PREP: variants seen among roughly 807,000 people sequenced by gnomAD.
PREP encodes prolyl endopeptidase.
In PREP, 29 loss-of-function variants were observed where a neutral mutation model predicts 87.6. That is an observed-to-expected ratio of 0.33 (90% CI 0.25 to 0.45). PREP has a LOEUF of 0.45. Among genes scored for constraint, PREP ranks in the 20% least tolerant of loss-of-function variants. The pLI is 1.00. For missense variants in PREP, 695 were observed against 886.5 expected (o/e 0.78, Z 2.74); for synonymous variants, 337 against 328.6 (o/e 1.03, Z -0.28).
intron 9 of PREP, among the ~76,000 whole-genome samples, chr6:105,325,787 T>C (rs1362814100): frequency 6.6e-6 from 1 of 152,220 alleles, no homozygotes; most frequent in East Asian, 1.9e-4. Context: ...GAAAACATCC[T>C]AGACTCATAA....
At chr6:105,346,161 CT>C (rs111943944) in intron 7 of PREP, among the ~76,000 whole-genome samples, 8,624 of 152,182 alleles carry the variant, frequency 0.057, 667 homozygotes, top group African/African-American at 0.17. Context: ...GAGAGGTTTG[CT>C]TTTAGCACTC....
intron 7 of PREP, among the ~76,000 whole-genome samples, chr6:105,342,035 G>A (rs1333334966): frequency 1.3e-5 from 2 of 152,124 alleles, no homozygotes; most frequent in African/African-American, 2.4e-5. Context: ...CTCATTTTAC[G>A]AGGCCAGCAT....
chr6:105,385,277 C>A, intron 2 of PREP, among the ~76,000 whole-genome samples: 2 of 133,362 alleles, frequency 1.5e-5, no homozygotes, highest in South Asian at 2.4e-4. Flanking sequence ...CTTCCTAGAT[C>A]TGCTTTAAAA....
intron 7 of PREP, among the ~76,000 whole-genome samples, chr6:105,344,348 C>T (rs1247476198): frequency 6.6e-6 from 1 of 152,028 alleles, no homozygotes; most frequent in Non-Finnish European, 1.5e-5. Flanking sequence ...AAAAATTAGC[C>T]AGGCGTGGTG....
At chr6:105,305,510 T>C (rs1235432209) in intron 10 of PREP, among the ~76,000 whole-genome samples, 1 of 151,878 alleles carries the variant, frequency 6.6e-6, no homozygotes, top group African/African-American at 2.4e-5. Context: ...GTATCACAAA[T>C]AGCTACTGGG....
chr6:105,353,263 T>C (rs1357450192), intron 6 of PREP, among the ~76,000 whole-genome samples, 186 bp from the exon 7 acceptor site: 1 of 152,240 alleles, frequency 6.6e-6, no homozygotes, highest in African/African-American at 2.4e-5. Context: ...ATTTCACCCA[T>C]AATCACAGTT....
chr6:105,377,591 T>C, intron 2 of PREP, 72 bp from the exon 3 acceptor site: 2 of 1,519,066 alleles, frequency 1.3e-6, no homozygotes, highest in Admixed American at 3.8e-5. Context: ...TCCACTAATA[T>C]GTATCAGAAA....
rs985115935 is a variant in PREP, at chr6:105,353,004, C to T, written c.791G>A (p.Cys264Tyr). Residue 264 changes from cysteine (C) to tyrosine (Y), a missense_variant, in exon 7 of 15, where the codon TGT (cysteine) becomes TAT (tyrosine). Physicochemically the swap from Cys to Tyr is radical, Grantham distance 194. Coordinates refer to ENST00000652536, the MANE Select transcript of PREP (RefSeq NM_002726.5). ...GCDPVNRLWYCDLQQESSGIA... is the reference protein window; with the variant it reads ...GCDPVNRLWYYDLQQESSGIA... ...GCCACTGGATTCCTGCTGTAGGTCA[C>T]AGTACCAGAGTCGGTTTACTGGATC... 6.2e-7 allele frequency: 1 copy of T among 1,613,980 alleles called. No homozygotes were observed. The highest frequency in any genetic ancestry group is 1.7e-5 in the Admixed American group (1 of 60,014).
intron 2 of PREP, among the ~76,000 whole-genome samples, chr6:105,386,008 T>C (rs1772984099): frequency 6.6e-6 from 1 of 152,170 alleles, no homozygotes; most frequent in Admixed American, 6.5e-5. Context: ...TAATCCCAGC[T>C]ACTCGGGAGG....
chr6:105,396,531 C>T (rs1218030531), intron 2 of PREP, among the ~76,000 whole-genome samples: 1 of 152,102 alleles, frequency 6.6e-6, no homozygotes, highest in African/African-American at 2.4e-5. Flanking sequence ...GGGAGATGGG[C>T]AATTCTACAT....
chr6:105,382,923 G>T (rs980592267), intron 2 of PREP, among the ~76,000 whole-genome samples: 1 of 152,156 alleles, frequency 6.6e-6, no homozygotes, highest in African/African-American at 2.4e-5. Flanking sequence ...AACTATCAGG[G>T]GCTTCTGGAG....
At chr6:105,304,370 C>T (rs1770610625) in intron 10 of PREP, among the ~76,000 whole-genome samples, 1 of 152,174 alleles carries the variant, frequency 6.6e-6, no homozygotes, top group Non-Finnish European at 1.5e-5. Context: ...TACGAATACC[C>T]CCACTTTTCA....
At chr6:105,324,670 C>A (rs945028014) in intron 9 of PREP, among the ~76,000 whole-genome samples, 1 of 152,124 alleles carries the variant, frequency 6.6e-6, no homozygotes, top group Non-Finnish European at 1.5e-5. Context: ...GCTGGAAAAC[C>A]AAAAACCAAA....
intron 10 of PREP, chr6:105,298,730 A>C (rs1770469584): frequency 6.5e-6 from 1 of 154,566 alleles, no homozygotes; most frequent in Admixed American, 6.5e-5. Flanking sequence ...TTGGAAGACA[A>C]ATGAGCTCTG....
intron 7 of PREP, among the ~76,000 whole-genome samples, chr6:105,343,329 G>A (rs1463286878): frequency 1.1e-4 from 16 of 152,298 alleles, no homozygotes; most frequent in African/African-American, 3.6e-4. Flanking sequence ...GCCATATGTA[G>A]AAAGCTGAAA....
At position 105,355,141 on chromosome 6, in the gene PREP, GA is replaced by G. The variant is rs566402115; in HGVS notation, c.718-2065del. Among the ~76,000 whole-genome samples, 127 of 150,608 alleles carry G rather than the reference GA, an allele frequency of 8.4e-4. 1 individual carries two copies. Among genetic ancestry groups the G allele is most frequent in the African/African-American group, 2.8e-3 (115 of 40,862 alleles). The stretch of plus-strand genomic sequence containing the variant: ...GAGTTTTACCTTGTAGCCCAGGCTG[GA>G]GTGCAGTGGCACTCCAACCTGCAAT... On this transcript the variant is annotated intron_variant, in intron 6 of 14. Transcript: ENST00000652536.
rs573126397 is a variant in PREP, at chr6:105,353,554, C to T, written c.718-477G>A. ...GGGAAGCCGAGTGGGGGTGGATCAC[C>T]TGAGGTCAGGAGTTCAAGACCAGCC... On this transcript the variant is annotated intron_variant, in intron 6 of 14. Transcript: ENST00000652536. Among the ~76,000 whole-genome samples, 7 of 151,990 alleles carry T rather than the reference C, an allele frequency of 4.6e-5. No homozygotes were observed. The South Asian group carries it at 1.5e-3, about 32-fold the overall frequency.
At chr6:105,308,821 GAGAC>G (rs984456456) in intron 10 of PREP, among the ~76,000 whole-genome samples, 7 of 152,272 alleles carry the variant, frequency 4.6e-5, no homozygotes, top group African/African-American at 7.2e-5. Context: ...TTCTAAAGGG[GAGAC>G]AGACAGACAC....
intron 10 of PREP, among the ~76,000 whole-genome samples, chr6:105,304,192 G>A (rs189235550): frequency 6.6e-6 from 1 of 152,150 alleles, no homozygotes; most frequent in Non-Finnish European, 1.5e-5. Context: ...TTTACATAGT[G>A]TTTACTTTGT....
Sources: gnomAD v4.1 joint callset for allele counts (sites outside exome capture counted in the v4.1 genomes callset) on GRCh38, gnomAD v4.1.1 for gene constraint, MANE v1.5 for transcripts, NCBI Gene and HGNC (gene_info 2026-07-23, HGNC 2026-07-21) for gene names.